Variants in SORCS3 observed in about 807,000 individuals in gnomAD.
SORCS3 encodes the protein sortilin related VPS10 domain containing receptor 3, also known as VPS10 domain-containing receptor SorCS3.
Under a neutral mutation model 146.3 loss-of-function variants are expected in SORCS3, and 57 were observed. The ratio of observed to expected loss-of-function variants is 0.39; its 90% CI spans 0.31 to 0.49. The LOEUF is 0.49. Among genes scored for constraint, SORCS3 ranks in the 20% least tolerant of loss-of-function variants. SORCS3 has a pLI of 0.92. For synonymous variants in SORCS3, 653 were observed against 618.5 expected (o/e 1.06, Z -0.83); for missense variants, 1,341 against 1,575.5 (o/e 0.85, Z 2.52).
intron 4 of SORCS3, 82 bp from the exon 5 acceptor site, chr10:105,042,973 T>C: frequency 8.3e-7 from 1 of 1,208,758 alleles, no homozygotes; most frequent in Non-Finnish European, 1.2e-6. Flanking sequence ...ACTCTGGTGT[T>C]GGGATGCTGC....
At chr10:104,643,195 T>A (rs1008897929) in intron 1 of SORCS3, among the ~76,000 whole-genome samples, 9 of 152,196 alleles carry the variant, frequency 5.9e-5, no homozygotes, top group Admixed American at 3.9e-4. Context: ...GGAACTGATT[T>A]GATAGGAACT....
chr10:104,971,283 A>G (rs2054859099), intron 3 of SORCS3, among the ~76,000 whole-genome samples: 1 of 152,246 alleles, frequency 6.6e-6, no homozygotes, highest in South Asian at 2.1e-4. Context: ...AAGACTGGCT[A>G]GAGTTGTCTT....
At chr10:104,818,929 C>T (rs1358000334) in intron 1 of SORCS3, among the ~76,000 whole-genome samples, 1 of 151,938 alleles carries the variant, frequency 6.6e-6, no homozygotes, top group Non-Finnish European at 1.5e-5. Flanking sequence ...TACATGGTAG[C>T]TTTTTGCCTT....
intron 8 of SORCS3, among the ~76,000 whole-genome samples, chr10:105,143,865 A>G (rs1047856907): frequency 4.6e-5 from 7 of 152,112 alleles, no homozygotes; most frequent in Non-Finnish European, 1.0e-4. Flanking sequence ...TGGGAACCTC[A>G]TGGAGAACCG....
intron 7 of SORCS3, among the ~76,000 whole-genome samples, chr10:105,121,956 C>T (rs1378924327): frequency 2.0e-5 from 3 of 152,138 alleles, no homozygotes; most frequent in African/African-American, 7.2e-5. Context: ...CTTTGGGTTC[C>T]ATTCCAGGAC....
chr10:105,170,566 G>T (rs2056351323), intron 13 of SORCS3, among the ~76,000 whole-genome samples: 1 of 152,136 alleles, frequency 6.6e-6, no homozygotes, highest in Non-Finnish European at 1.5e-5. Context: ...CCATTTATAG[G>T]ATGTTGATAC....
At chr10:105,173,141 A>G (rs2056373225) in intron 13 of SORCS3, among the ~76,000 whole-genome samples, 1 of 152,132 alleles carries the variant, frequency 6.6e-6, no homozygotes, top group African/African-American at 2.4e-5. Flanking sequence ...CAAAACAGAA[A>G]CAAACAGATG....
intron 9 of SORCS3, among the ~76,000 whole-genome samples, chr10:105,154,700 T>A (rs1001256398): frequency 2.6e-5 from 4 of 152,186 alleles, no homozygotes; most frequent in Non-Finnish European, 5.9e-5. Context: ...TTACATTGCA[T>A]TTAGTGAGGG....
chr10:104,819,242 A>C (rs1021668413), intron 1 of SORCS3, among the ~76,000 whole-genome samples: 2 of 152,172 alleles, frequency 1.3e-5, no homozygotes, highest in African/African-American at 4.8e-5. Flanking sequence ...GAGTGTACAT[A>C]ATGCATGAAA....
rs548203149 is a variant in SORCS3, at chr10:104,671,316, A to G, written c.627+29362A>G. Among the ~76,000 whole-genome samples, 137 of 30,268 alleles carry G rather than the reference A, an allele frequency of 4.5e-3. 1 individual carries two copies. Among genetic ancestry groups the G allele is most frequent in the Middle Eastern group, 0.022 (1 of 46 alleles). The allele number at this position is 30,268 out of a possible 152,430, so 19.9% of individuals were successfully genotyped here. A position where few individuals can be genotyped will look rare whatever the true frequency, so the allele number is the denominator to read the frequency against. ...GCTCCTATTATGTTAAGGTAGTTTC[A>G]TTCTTTTCCTTTTTTTTTTTTTTTT... On this transcript the variant is annotated intron_variant, in intron 1 of 26. Transcript: ENST00000369701.
At chr10:104,977,734 T>C (rs867849441) in intron 4 of SORCS3, among the ~76,000 whole-genome samples, 6 of 143,484 alleles carry the variant, frequency 4.2e-5, no homozygotes, top group East Asian at 2.0e-4. Flanking sequence ...TCTTTTCTTT[T>C]TTTTTTTTTT....
intron 1 of SORCS3, among the ~76,000 whole-genome samples, chr10:104,803,628 T>C (rs754150831): frequency 6.6e-6 from 1 of 152,212 alleles, no homozygotes; most frequent in Non-Finnish European, 1.5e-5. Flanking sequence ...CTAGCACTTT[T>C]TCCCTTCTCC....
intron 4 of SORCS3, among the ~76,000 whole-genome samples, chr10:104,983,304 C>T (rs558872841): frequency 1.3e-5 from 2 of 152,150 alleles, no homozygotes; most frequent in African/African-American, 4.8e-5. Context: ...CCGCACCCAG[C>T]CCCAAGCATG....
chr10:105,116,064 T>C (rs2055891614), intron 7 of SORCS3, among the ~76,000 whole-genome samples: 1 of 152,222 alleles, frequency 6.6e-6, no homozygotes, highest in South Asian at 2.1e-4. Flanking sequence ...TTAAATAGCT[T>C]GGATGCATCT....
intron 24 of SORCS3, among the ~76,000 whole-genome samples, 174 bp from the exon 25 acceptor site, chr10:105,256,645 G>T (rs901056908): frequency 3.3e-5 from 5 of 152,226 alleles, no homozygotes; most frequent in African/African-American, 1.2e-4. Flanking sequence ...GTACTCAGGT[G>T]CCATTGCCAT....
At position 105,211,119 on chromosome 10, in the gene SORCS3, T is replaced by A; in HGVS notation, c.2262-18T>A. ...TTTGTACATATATACTACTATGCAA[T>A]ATTCATTTTCCTGACAGTGACTATG... On this transcript the variant is annotated intron_variant, in intron 16 of 26. Transcript: ENST00000369701. 1 of 1,566,392 alleles carries A rather than the reference T, an allele frequency of 6.4e-7. No individual in the cohort carries two copies. The highest frequency in any genetic ancestry group is 1.1e-5 in the South Asian group (1 of 90,058).
At chr10:104,818,943 AT>A (rs1187340328) in intron 1 of SORCS3, among the ~76,000 whole-genome samples, 1 of 152,092 alleles carries the variant, frequency 6.6e-6, no homozygotes, top group Non-Finnish European at 1.5e-5. Flanking sequence ...TTGCCTTATG[AT>A]AAAAACAAAA....
chr10:105,180,938 A>G (rs1352163049), intron 14 of SORCS3, among the ~76,000 whole-genome samples: 1 of 152,174 alleles, frequency 6.6e-6, no homozygotes, highest in East Asian at 1.9e-4. Flanking sequence ...ACTTTAGATA[A>G]TAAATGTTAA....
chr10:104,955,756 G>A (rs2019482583), intron 3 of SORCS3, among the ~76,000 whole-genome samples: 1 of 152,192 alleles, frequency 6.6e-6, no homozygotes, highest in Non-Finnish European at 1.5e-5. Flanking sequence ...CTGCAGGGAT[G>A]ACCTGGGGGC....
Sources: gnomAD v4.1 joint callset for allele counts (sites outside exome capture counted in the v4.1 genomes callset) on GRCh38, gnomAD v4.1.1 for gene constraint, MANE v1.5 for transcripts, NCBI Gene and HGNC (gene_info 2026-07-23, HGNC 2026-07-21) for gene names.